KIAA1217: variants seen among roughly 807,000 people sequenced by gnomAD.
KIAA1217 encodes the protein sickle tail protein homolog.
In KIAA1217, 88 loss-of-function variants were observed where a neutral mutation model predicts 163.9. The ratio of observed to expected loss-of-function variants is 0.54; its 90% CI spans 0.45 to 0.64. KIAA1217 has a LOEUF of 0.64. Among genes scored for constraint, KIAA1217 ranks in the 30% least tolerant of loss-of-function variants. KIAA1217 has a pLI of 0.00. For missense variants in KIAA1217, 2,372 were observed against 2,475.0 expected, an observed-to-expected ratio of 0.96 and a Z score of 0.88; for synonymous variants, 903 against 923.1, an observed-to-expected ratio of 0.98 and a Z score of 0.39.
At chr10:24,501,247 T>C in intron 8 of KIAA1217, 132 bp from the exon 9 acceptor site, 2 of 712,030 alleles carry the variant, frequency 2.8e-6, no homozygotes, top group Admixed American at 2.8e-5. Context: ...GTGTGATTCA[T>C]ATATATGCAT....
intron 9 of KIAA1217, among the ~76,000 whole-genome samples, chr10:24,504,467 T>C (rs2068081772): frequency 6.6e-6 from 1 of 152,214 alleles, no homozygotes; most frequent in Non-Finnish European, 1.5e-5. Context: ...GGGAGTCTAC[T>C]TAAGACAAAA....
At chr10:23,840,983 G>A (rs1838752755) in intron 1 of KIAA1217, among the ~76,000 whole-genome samples, 1 of 152,082 alleles carries the variant, frequency 6.6e-6, no homozygotes, top group South Asian at 2.1e-4. Flanking sequence ...ACCGGCCCTT[G>A]GGCAATTTTG....
chr10:24,138,097 G>T (rs767346881), intron 2 of KIAA1217, among the ~76,000 whole-genome samples: 2 of 152,112 alleles, frequency 1.3e-5, no homozygotes, highest in African/African-American at 4.8e-5. Context: ...AGTATTATGC[G>T]TAGTTTTCTT....
At chr10:24,289,141 A>G (rs1385872880) in intron 2 of KIAA1217, among the ~76,000 whole-genome samples, 1 of 152,232 alleles carries the variant, frequency 6.6e-6, no homozygotes, top group African/African-American at 2.4e-5. Context: ...AAATAATAAT[A>G]CAAAGCCATT....
chr10:24,187,442 A>C (rs1283380624), intron 2 of KIAA1217, among the ~76,000 whole-genome samples: 1 of 152,170 alleles, frequency 6.6e-6, no homozygotes, highest in Non-Finnish European at 1.5e-5. Context: ...ACTCATTAAT[A>C]TGTTCTGCAC....
chr10:23,910,739 G>A lies in KIAA1217; in HGVS notation c.-320-96486G>A, dbSNP rs566293109. ...ATCCATTCGACTGTTATGAACAGCC[G>A]CAGACCTGAGGGCTGATTTCTGATG... On this transcript the variant is annotated intron_variant, in intron 1 of 18. Coordinates refer to the KIAA1217 transcript ENST00000376462. 1.8e-4 allele frequency among the ~76,000 whole-genome samples: 28 copies of A among 152,250 alleles called. 1 individual carries two copies. The East Asian group carries it at 2.9e-3, about 16-fold the overall frequency.
chr10:24,061,110 T>C (rs1454803516), intron 2 of KIAA1217, among the ~76,000 whole-genome samples: 1 of 152,204 alleles, frequency 6.6e-6, no homozygotes, highest in African/African-American at 2.4e-5. Context: ...TGTTGATTTT[T>C]AAAAAATTAA....
intron 1 of KIAA1217, among the ~76,000 whole-genome samples, chr10:23,856,816 T>C (rs567804449): frequency 2.6e-5 from 4 of 152,394 alleles, no homozygotes; most frequent in African/African-American, 9.6e-5. Flanking sequence ...CTGCCAGCCA[T>C]GTGCGGGATA....
Position 23,945,712 on chromosome 10 carries a change from G to A in KIAA1217, c.-320-61513G>A, listed in dbSNP as rs142829350. Among the ~76,000 whole-genome samples the A allele has an allele frequency of 3.6e-4, 55 of 152,228 alleles. No individual in the cohort carries two copies. The East Asian group carries it at 9.7e-3, about 27-fold the overall frequency. ...TCAAATGTTGTTTAATATAAAATAA[G>A]TGGTGCATTTGCTGGAACCTGGAAA... is the stretch of plus-strand genomic sequence containing the variant. On this transcript the variant is annotated intron_variant, in intron 1 of 18. Transcript: ENST00000376462.
intron 1 of KIAA1217, among the ~76,000 whole-genome samples, chr10:23,824,383 G>A (rs12248125): frequency 0.33 from 49,500 of 150,974 alleles, 9,821 homozygotes; most frequent in African/African-American, 0.56. Context: ...TAATCCCAGC[G>A]CTTTGGGAGG....
chr10:24,042,309 A>G (rs1307132599), intron 2 of KIAA1217: 1 of 151,250 alleles, frequency 6.6e-6, no homozygotes, highest in Admixed American at 6.6e-5. Flanking sequence ...TCGCTTGGCT[A>G]GACCTTTCTT....
intron 1 of KIAA1217, among the ~76,000 whole-genome samples, chr10:23,948,147 G>A (rs752528768): frequency 1.1e-4 from 16 of 152,158 alleles, no homozygotes; most frequent in Non-Finnish European, 1.9e-4. Flanking sequence ...CTGTTAGTAG[G>A]TAAGGGCATA....
intron 2 of KIAA1217, among the ~76,000 whole-genome samples, chr10:24,109,058 C>T (rs1046490173): frequency 9.9e-5 from 15 of 152,180 alleles, no homozygotes; most frequent in African/African-American, 3.6e-4. Context: ...TCTTGAACTC[C>T]TGACCTCAAG....
intron 2 of KIAA1217, among the ~76,000 whole-genome samples, chr10:24,259,283 G>C (rs1250541729): frequency 6.6e-6 from 1 of 152,080 alleles, no homozygotes; most frequent in Non-Finnish European, 1.5e-5. Flanking sequence ...GTTTGCCAGA[G>C]ATTACTTGGA....
intron 2 of KIAA1217, among the ~76,000 whole-genome samples, chr10:24,190,483 G>A (rs992104655): frequency 6.6e-6 from 1 of 152,180 alleles, no homozygotes; most frequent in Non-Finnish European, 1.5e-5. Context: ...AGAGCTCACC[G>A]TATGGTAGAA....
intron 1 of KIAA1217, among the ~76,000 whole-genome samples, chr10:23,975,402 G>A (rs774402634): frequency 4.6e-5 from 7 of 152,198 alleles, no homozygotes; most frequent in Non-Finnish European, 7.3e-5. Flanking sequence ...TGTCCCAGCA[G>A]GAGCTTCTTC....
intron 1 of KIAA1217, among the ~76,000 whole-genome samples, chr10:23,871,076 G>A (rs1840435231): frequency 6.9e-6 from 1 of 145,402 alleles, no homozygotes; most frequent in Non-Finnish European, 1.5e-5. Context: ...ATTGTTTTCT[G>A]TATCTTAGAG....
chr10:24,171,173 G>A (rs2065612008), intron 2 of KIAA1217, among the ~76,000 whole-genome samples: 2 of 152,192 alleles, frequency 1.3e-5, no homozygotes, highest in South Asian at 2.1e-4. Context: ...CCCAGAATGT[G>A]AGTGCTCCGA....
intron 2 of KIAA1217, among the ~76,000 whole-genome samples, chr10:24,080,370 A>G (rs2061500108): frequency 6.6e-6 from 1 of 152,164 alleles, no homozygotes; most frequent in Non-Finnish European, 1.5e-5. Context: ...AACAAGAAGA[A>G]GGGACCCTCT....
Sources: gnomAD v4.1 joint callset for allele counts (sites outside exome capture counted in the v4.1 genomes callset) on GRCh38, gnomAD v4.1.1 for gene constraint, MANE v1.5 for transcripts, NCBI Gene and HGNC (gene_info 2026-07-23, HGNC 2026-07-21) for gene names.